The following ELMOD1 variants were observed in gnomAD, a reference collection of about 807,000 sequenced individuals.
The protein encoded by ELMOD1 is ELMO domain-containing protein 1.
A neutral mutation model predicts 46.7 loss-of-function variants in ELMOD1; 21 were observed. The ratio of observed to expected loss-of-function variants is 0.45; its 90% CI spans 0.32 to 0.65. The LOEUF (loss-of-function observed/expected upper bound fraction) is 0.65. ELMOD1 is among the 30% of genes least tolerant of loss of function. The pLI, the probability that ELMOD1 is intolerant of heterozygous loss-of-function variation, is 0.04. For missense variants in ELMOD1, 348 were observed against 407.8 expected (o/e 0.85, Z 1.26); for synonymous variants, 122 against 138.2 (o/e 0.88, Z 0.82).
intron 6 of ELMOD1, among the ~76,000 whole-genome samples, chr11:107,636,136 C>T (rs545153345): frequency 1.3e-5 from 2 of 152,302 alleles, no homozygotes; most frequent in Admixed American, 6.5e-5. Flanking sequence ...ACTTTTAATA[C>T]ACATCAGAGA....
intron 6 of ELMOD1, among the ~76,000 whole-genome samples, chr11:107,637,463 C>T (rs1362476960): frequency 1.3e-5 from 2 of 152,030 alleles, no homozygotes; most frequent in Non-Finnish European, 2.9e-5. Context: ...GAGGCTGAGG[C>T]GGGTGGATCA....
chr11:107,629,977 C>G (rs1184337267), intron 2 of ELMOD1, among the ~76,000 whole-genome samples: 1 of 151,988 alleles, frequency 6.6e-6, no homozygotes. Context: ...GAGGAGGACA[C>G]TAGGGAGGGG....
intron 1 of ELMOD1, among the ~76,000 whole-genome samples, chr11:107,610,982 T>A: frequency 1.9e-5 from 1 of 52,810 alleles, no homozygotes; most frequent in Non-Finnish European, 3.5e-5. Context: ...ATGTAAAACC[T>A]CAAACTGTAA....
intron 10 of ELMOD1, among the ~76,000 whole-genome samples, chr11:107,654,768 CAAAA>C (rs945140722): frequency 3.0e-5 from 2 of 66,908 alleles, no homozygotes; most frequent in Non-Finnish European, 3.2e-5. Flanking sequence ...GACTCCGTCT[CAAAA>C]AAAAAAAAAA....
At chr11:107,605,203 T>C (rs1188595477) in intron 1 of ELMOD1, among the ~76,000 whole-genome samples, 4 of 149,238 alleles carry the variant, frequency 2.7e-5, no homozygotes, top group African/African-American at 9.8e-5. Flanking sequence ...TTTTTTTTTT[T>C]TTTTTTTCTT....
intron 1 of ELMOD1, among the ~76,000 whole-genome samples, chr11:107,608,045 GA>G (rs1308216702): frequency 1.4e-4 from 19 of 135,774 alleles, no homozygotes; most frequent in East Asian, 6.4e-4. Context: ...AAAAAAAAAA[GA>G]AAAAAAAACT....
chr11:107,601,657 C>G (rs1158732984), intron 1 of ELMOD1, among the ~76,000 whole-genome samples: 4 of 151,932 alleles, frequency 2.6e-5, no homozygotes, highest in African/African-American at 9.7e-5. Context: ...CTCAAACGAT[C>G]CACCTGCCTC....
Position 107,617,701 on chromosome 11 carries a change from G to A in ELMOD1, c.-85-404G>A, listed in dbSNP as rs112142576. Among the ~76,000 whole-genome samples, 534 of 152,222 alleles carry A rather than the reference G, an allele frequency of 3.5e-3. 3 individuals carry two copies. Among genetic ancestry groups the A allele is most frequent in the African/African-American group, 0.012 (497 of 41,514 alleles). ...GTTAGTTGGTTCCAGTTATTTTTGA[G>A]TTGTACTTCTACAAAGTTGGGGCCG... On this transcript the variant is annotated intron_variant, in intron 1 of 11. Coordinates refer to ENST00000265840, the MANE Select transcript of ELMOD1 (RefSeq NM_018712.4).
chr11:107,605,120 G>A (rs949792637), intron 1 of ELMOD1, among the ~76,000 whole-genome samples: 3 of 151,672 alleles, frequency 2.0e-5, no homozygotes, highest in African/African-American at 7.3e-5. Flanking sequence ...ATGATTTTGG[G>A]GGCAAAACAG....
chr11:107,600,753 A>C (rs1487925609), intron 1 of ELMOD1: 1 of 152,778 alleles, frequency 6.5e-6, no homozygotes, highest in Admixed American at 6.5e-5. Flanking sequence ...GTCAAAGCCA[A>C]CACACACATC....
At chr11:107,603,244 A>G (rs773699540) in intron 1 of ELMOD1, among the ~76,000 whole-genome samples, 1 of 152,244 alleles carries the variant, frequency 6.6e-6, no homozygotes, top group Non-Finnish European at 1.5e-5. Context: ...ACTCCTATGA[A>G]AACTTTCAAC....
Position 107,591,860 on chromosome 11 carries a change from A to AGCCGGGCTGCGGGGCC in ELMOD1, c.-86+457_-86+472dup, listed in dbSNP as rs757083937. The AGCCGGGCTGCGGGGCC allele has an allele frequency of 2.2e-4, 106 of 480,090 alleles. 2 individuals are homozygous for AGCCGGGCTGCGGGGCC. The highest frequency in any genetic ancestry group is 1.5e-3 in the South Asian group (98 of 65,052). 29.7% of individuals were successfully genotyped at this position (480,090 alleles called of 1,614,324 possible). ...TTCGGTCTCCAGGGAGGAGCTAGGC[A>AGCCGGGCTGCGGGGCC]GCCGGGCTGCGGGGCCGCCGGACTG... On this transcript the variant is annotated intron_variant, in intron 1 of 11. Transcript: ENST00000265840.
In ELMOD1 at chr11:107,640,683, A is replaced by G. The variant is rs1019335462; in HGVS notation, c.420+4918A>G. 5.3e-5 allele frequency among the ~76,000 whole-genome samples: 8 copies of G among 152,246 alleles called. No individual in the cohort carries two copies. In the South Asian group the frequency reaches 1.7e-3, roughly 31 times the overall value. Reference sequence around the variant, plus strand: ...TCCTCATGTTAAATCTGTTCAAAAGAAGGATTTAAATACTTTGGTCACAAC... The same window carrying G: ...TCCTCATGTTAAATCTGTTCAAAAGGAGGATTTAAATACTTTGGTCACAAC... On this transcript the variant is annotated intron_variant, in intron 6 of 11. Coordinates refer to ENST00000265840, the MANE Select transcript of ELMOD1 (RefSeq NM_018712.4).
intron 11 of ELMOD1, among the ~76,000 whole-genome samples, chr11:107,660,396 T>A (rs373615610): frequency 1.3e-5 from 2 of 152,184 alleles, no homozygotes; most frequent in African/African-American, 2.4e-5. Flanking sequence ...TTACAAAAAT[T>A]GCATTCAGTC....
At chr11:107,615,978 G>C (rs1865855690) in intron 1 of ELMOD1, among the ~76,000 whole-genome samples, 1 of 128,842 alleles carries the variant, frequency 7.8e-6, no homozygotes, top group Admixed American at 9.2e-5. Flanking sequence ...TGTTTGTCAG[G>C]TTTTTCCTTT....
intron 2 of ELMOD1, among the ~76,000 whole-genome samples, chr11:107,628,151 G>A (rs1476321991): frequency 6.6e-6 from 1 of 150,530 alleles, no homozygotes; most frequent in Non-Finnish European, 1.5e-5. Context: ...AAGAGAGCAA[G>A]CTGAGGGGTT....
chr11:107,593,696 C>T (rs1865444752), intron 1 of ELMOD1, among the ~76,000 whole-genome samples: 1 of 152,104 alleles, frequency 6.6e-6, no homozygotes. Context: ...TTCAGATAAA[C>T]AGTGAATTAT....
chr11:107,646,985 T>TCTATCTAC (rs1555068329), intron 6 of ELMOD1, among the ~76,000 whole-genome samples: 4 of 147,142 alleles, frequency 2.7e-5, no homozygotes, highest in Admixed American at 1.4e-4. Flanking sequence ...TATCTATCTA[T>TCTATCTAC]CTACCTATCT....
chr11:107,643,528 G>T (rs2135702056), intron 6 of ELMOD1: 1 of 481,994 alleles, frequency 2.1e-6, no homozygotes, highest in South Asian at 1.7e-5. Flanking sequence ...AGTATAGTCT[G>T]TAGTAGAACA....
Sources: gnomAD v4.1 joint callset for allele counts (sites outside exome capture counted in the v4.1 genomes callset) on GRCh38, gnomAD v4.1.1 for gene constraint, MANE v1.5 for transcripts, NCBI Gene and HGNC (gene_info 2026-07-23, HGNC 2026-07-21) for gene names.